Variants in SLCO4C1 observed in about 807,000 individuals in gnomAD.
SLCO4C1 encodes organic anion transporter M1.
A neutral mutation model predicts 72.1 loss-of-function variants in SLCO4C1; 58 were observed. That is an observed-to-expected ratio of 0.80 (90% CI 0.65 to 1.00). The LOEUF (loss-of-function observed/expected upper bound fraction) is 1.00, where lower values mean the gene tolerates loss of function less well. SLCO4C1 is among the 50% of genes least tolerant of loss of function. SLCO4C1 has a pLI of 0.00. For synonymous variants in SLCO4C1, 297 were observed against 312.5 expected, an observed-to-expected ratio of 0.95 and a Z score of 0.52; for missense variants, 898 against 857.9, an observed-to-expected ratio of 1.05 and a Z score of -0.58.
At chr5:102,267,110 G>T (rs1027933822) in intron 3 of SLCO4C1, among the ~76,000 whole-genome samples, 1 of 152,026 alleles carries the variant, frequency 6.6e-6, no homozygotes, top group African/African-American at 2.4e-5. Context: ...TTTTTCTCTG[G>T]TTTTGGCATC....
rs1561362406 is a variant in SLCO4C1, at chr5:102,236,098, ATAT to A, written c.*757_*759del. The A allele has an allele frequency of 6.6e-6, 1 of 152,234 alleles. No homozygotes were observed. The highest frequency in any genetic ancestry group is 1.5e-5 in the Non-Finnish European group (1 of 68,050). 9.4% of individuals were successfully genotyped at this position (152,234 alleles called of 1,614,324 possible). A position where few individuals can be genotyped will look rare whatever the true frequency, so the allele number is the denominator to read the frequency against. ...CCTCTGAAATATATGCAATTGAATA[ATAT>A]TATCACAGAATCATAAATGTGTTAA... is the stretch of plus-strand genomic sequence containing the variant. On this transcript the variant is annotated 3_prime_UTR_variant, in exon 13 of 13. Transcript: ENST00000310954.
In SLCO4C1 at chr5:102,234,805, TTTTCC is replaced by T. The variant is rs1748403662; in HGVS notation, c.*2048_*2052del. On this transcript the variant is annotated 3_prime_UTR_variant, in exon 13 of 13. Transcript: ENST00000310954. ...AGGACAAAGAAAGCCTAAACTTTCC[TTTTCC>T]TTTTTTCTGGGCTCCAATAGGAAGC... The T allele has an allele frequency of 2.9e-5, 1 of 34,298 alleles. No individual in the cohort carries two copies. Among genetic ancestry groups the T allele is most frequent in the African/African-American group, 1.3e-4 (1 of 7,616 alleles). The allele number at this position is 34,298 out of a possible 1,614,324, so 2.1% of individuals were successfully genotyped here.
chr5:102,246,855 G>A (rs1748644396), intron 10 of SLCO4C1, among the ~76,000 whole-genome samples: 1 of 152,020 alleles, frequency 6.6e-6, no homozygotes, highest in Non-Finnish European at 1.5e-5. Context: ...TTATTGATTA[G>A]CACTGCTTAA....
intron 10 of SLCO4C1, among the ~76,000 whole-genome samples, chr5:102,243,098 T>C (rs1422733924): frequency 6.6e-6 from 1 of 152,112 alleles, no homozygotes; most frequent in Non-Finnish European, 1.5e-5. Context: ...GAGGGGCCTA[T>C]GGGGTGAAGC....
intron 11 of SLCO4C1, among the ~76,000 whole-genome samples, chr5:102,240,131 C>G (rs1055549124): frequency 3.3e-5 from 5 of 152,182 alleles, no homozygotes; most frequent in Middle Eastern, 3.4e-3. Flanking sequence ...CTGCACTTCT[C>G]AGGGACTTAA....
At chr5:102,276,468 G>A (rs1749248604) in intron 2 of SLCO4C1, among the ~76,000 whole-genome samples, 1 of 152,106 alleles carries the variant, frequency 6.6e-6, no homozygotes, top group East Asian at 1.9e-4. Context: ...TTCTATAGTT[G>A]GTCAGAGGGC....
chr5:102,235,629 G>A lies in SLCO4C1; in HGVS notation c.*1229C>T, dbSNP rs1748417782. On this transcript the variant is annotated 3_prime_UTR_variant, in exon 13 of 13. Coordinates refer to ENST00000310954, the MANE Select transcript of SLCO4C1 (RefSeq NM_180991.5). ...ACACAGTTGGTGAGCTGAGAGGCAG[G>A]TGAGTGAGCATTACTGCCTGAGCTC... 1 of 152,268 alleles carries A rather than the reference G, an allele frequency of 6.6e-6. No individual in the cohort carries two copies. The highest frequency in any genetic ancestry group is 6.5e-5 in the Admixed American group (1 of 15,288). The allele number at this position is 152,268 out of a possible 1,614,324, so 9.4% of individuals were successfully genotyped here.
chr5:102,266,059 G>T (rs1257577216), intron 3 of SLCO4C1, among the ~76,000 whole-genome samples: 1 of 151,620 alleles, frequency 6.6e-6, no homozygotes, highest in Non-Finnish European at 1.5e-5. Context: ...GTATTTCTTT[G>T]TAACCATTAT....
Position 102,260,278 on chromosome 5 carries a change from G to T in SLCO4C1, c.1063C>A (p.Gln355Lys). Reference sequence around the variant, plus strand: ...TTCACATCTGCATTACTATTACTCTGATGAGCCTGGGAAGTTTTTCCAGCT... The same window carrying T: ...TTCACATCTGCATTACTATTACTCTTATGAGCCTGGGAAGTTTTTCCAGCT... The part of the protein sequence containing the change: ...IQAGKTSQAH[Q>K]SNSNADVKFG... Residue 355 changes from glutamine to lysine, a missense_variant, in exon 6 of 13, where the codon CAG (glutamine) becomes AAG (lysine). Physicochemically the swap from Gln to Lys is moderately conservative, Grantham distance 53. Transcript: ENST00000310954. 1 of 1,386,336 alleles carries T rather than the reference G, an allele frequency of 7.2e-7. No homozygotes were observed. The highest frequency in any genetic ancestry group is 9.4e-7 in the Non-Finnish European group (1 of 1,061,894). The allele number at this position is 1,386,336 out of a possible 1,614,324, so 85.9% of individuals were successfully genotyped here.
chr5:102,234,868 A>C lies in SLCO4C1; in HGVS notation c.*1990T>G, dbSNP rs1165932859. 4 of 152,206 alleles carry C rather than the reference A, an allele frequency of 2.6e-5. No individual in the cohort carries two copies. The East Asian group carries it at 7.7e-4, about 29-fold the overall frequency. The allele number at this position is 152,206 out of a possible 1,614,324, so 9.4% of individuals were successfully genotyped here. On this transcript the variant is annotated 3_prime_UTR_variant, in exon 13 of 13. Coordinates refer to ENST00000310954, the MANE Select transcript of SLCO4C1 (RefSeq NM_180991.5). Reference sequence around the variant, plus strand: ...ACAACGTGTCTGGCTTGGTGGGAGGAAGATTGTCAATTGAGGTATCATGTG... The same window carrying C: ...ACAACGTGTCTGGCTTGGTGGGAGGCAGATTGTCAATTGAGGTATCATGTG...
intron 2 of SLCO4C1, among the ~76,000 whole-genome samples, chr5:102,289,657 C>G (rs759443932): frequency 2.0e-5 from 3 of 152,228 alleles, no homozygotes; most frequent in Non-Finnish European, 4.4e-5. Flanking sequence ...CAATATGTGG[C>G]TTGTTCCTAA....
At chr5:102,274,259 C>A (rs1166210252) in intron 2 of SLCO4C1, among the ~76,000 whole-genome samples, 1 of 152,102 alleles carries the variant, frequency 6.6e-6, no homozygotes, top group African/African-American at 2.4e-5. Flanking sequence ...CGATACACCA[C>A]AAGTGGAAGC....
chr5:102,274,125 A>G (rs1247368629), intron 2 of SLCO4C1, among the ~76,000 whole-genome samples: 1 of 152,192 alleles, frequency 6.6e-6, no homozygotes, highest in Non-Finnish European at 1.5e-5. Flanking sequence ...TAGATTGTAT[A>G]CAAATAACAC....
At chr5:102,247,554 T>G in intron 9 of SLCO4C1, 112 bp from the exon 10 acceptor site, 1 of 598,958 alleles carries the variant, frequency 1.7e-6, no homozygotes, top group Non-Finnish European at 2.6e-6. Flanking sequence ...TAATCCATAT[T>G]CAACAAATTA....
rs976964001 is a variant in SLCO4C1 at position 102,258,712 on chromosome 5, A to G, written c.1129-625T>C. ...AACCAAATTATAGTTCTCAAATATT[A>G]AATGCCAAAAAATTTTTCATAAAAC... On this transcript the variant is annotated intron_variant, in intron 6 of 12. Transcript: ENST00000310954. Among the ~76,000 whole-genome samples the G allele has an allele frequency of 5.3e-5, 8 of 152,066 alleles. No individual in the cohort carries two copies. In the East Asian group the frequency reaches 1.5e-3, roughly 29 times the overall value.
intron 2 of SLCO4C1, among the ~76,000 whole-genome samples, chr5:102,290,236 T>A (rs1749527266): frequency 1.3e-5 from 2 of 152,162 alleles, no homozygotes; most frequent in Non-Finnish European, 2.9e-5. Context: ...CTTTTTTTGT[T>A]TGTAGAGTCT....
intron 10 of SLCO4C1, among the ~76,000 whole-genome samples, chr5:102,244,314 C>A (rs575569914): frequency 1.2e-3 from 175 of 152,088 alleles, no homozygotes; most frequent in African/African-American, 4.0e-3. Context: ...AGACTGAAAA[C>A]AAGCTTTTTG....
At chr5:102,282,023 G>A (rs1749365051) in intron 2 of SLCO4C1, among the ~76,000 whole-genome samples, 1 of 151,952 alleles carries the variant, frequency 6.6e-6, no homozygotes, top group African/African-American at 2.4e-5. Flanking sequence ...ATAGGCAAAT[G>A]GTTAAACAAA....
chr5:102,276,523 C>T (rs1172609849), intron 2 of SLCO4C1, among the ~76,000 whole-genome samples: 1 of 152,122 alleles, frequency 6.6e-6, no homozygotes, highest in Non-Finnish European at 1.5e-5. Context: ...GTTCTTGTTC[C>T]CTTTACCACT....
Sources: allele counts gnomAD v4.1 joint callset (sites outside exome capture counted in the v4.1 genomes callset), GRCh38; gene constraint gnomAD v4.1.1; transcripts MANE v1.5; gene names NCBI Gene and HGNC (gene_info 2026-07-23, HGNC 2026-07-21).